Variants in ACKR4 observed in about 807,000 individuals in gnomAD.
ACKR4 encodes the protein C-C CKR-11.
Under a neutral mutation model 8.5 loss-of-function variants are expected in ACKR4, and 2 were observed. The observed-to-expected ratio is 0.23, with a 90% confidence interval of 0.10 to 0.74. The LOEUF is 0.74. Among genes scored for constraint, ACKR4 ranks in the 30% least tolerant of loss-of-function variants. The pLI is 0.75. For synonymous variants in ACKR4, 67 were observed against 145.0 expected (o/e 0.46, Z 3.86); for missense variants, 167 against 422.1 (o/e 0.40, Z 5.30).
Position 132,600,634 on chromosome 3 carries a change from C to T in ACKR4, c.237C>T (p.Tyr79=), listed in dbSNP as rs1220116409. ...YKKQRTKTDV[Y]ILNLAVADLL... The stretch of plus-strand genomic sequence containing the variant: ...AACAGAGAACCAAAACAGATGTGTA[C>T]ATCCTGAATTTGGCTGTAGCAGATT... The change falls in exon 2 of 2, where the codon TAC becomes TAT. Residue 79 remains tyrosine, a synonymous_variant. Coordinates refer to ENST00000249887, the MANE Select transcript of ACKR4 (RefSeq NM_016557.4). 7 of 1,613,658 alleles carry T rather than the reference C, an allele frequency of 4.3e-6. No individual in the cohort carries two copies. Among genetic ancestry groups the T allele is most frequent in the Non-Finnish European group, 5.1e-6 (6 of 1,179,676 alleles).
chr3:132,599,363 C>G (rs1176227275), intron 1 of ACKR4, among the ~76,000 whole-genome samples: 1 of 151,790 alleles, frequency 6.6e-6, no homozygotes, highest in Non-Finnish European at 1.5e-5. Flanking sequence ...AAAAATTAGC[C>G]AGGCATGGTG....
intron 1 of ACKR4, among the ~76,000 whole-genome samples, chr3:132,598,630 T>G (rs1938420093): frequency 6.6e-6 from 1 of 152,158 alleles, no homozygotes; most frequent in Non-Finnish European, 1.5e-5. Context: ...TCCGCGTTTA[T>G]TGAGTAGGAA....
In ACKR4 at chr3:132,597,272, T is replaced by C. The variant is rs1422521982; in HGVS notation, c.-61T>C. ...AACAAAAGTAGCTGGAGTTAGGTCA[T>C]TTGATTTTATACTCTGTACTCAAGA... On this transcript the variant is annotated 5_prime_UTR_variant, in exon 1 of 2. Transcript: ENST00000249887. 4 of 152,158 alleles carry C rather than the reference T, an allele frequency of 2.6e-5. No homozygotes were observed. The highest frequency in any genetic ancestry group is 7.2e-5 in the African/African-American group (3 of 41,444). The allele number at this position is 152,158 out of a possible 1,614,324, so 9.4% of individuals were successfully genotyped here.
Position 132,600,533 on chromosome 3 carries a change from G to C in ACKR4, c.136G>C (p.Val46Leu). 6.2e-7 allele frequency: 1 copy of C among 1,613,948 alleles called. No individual in the cohort carries two copies. The highest frequency in any genetic ancestry group is 8.5e-7 in the Non-Finnish European group (1 of 1,179,854). The change falls in exon 2 of 2, where the codon GTA becomes CTA. Residue 46 changes from valine (V) to leucine (L), a missense_variant. Transcript: ENST00000249887. Reference protein sequence around the residue: ...VREFAKVFLPVFLTIVFVIGL... With the variant: ...VREFAKVFLPLFLTIVFVIGL... ...AGAATTTGCAAAAGTTTTCCTCCCT[G>C]TATTCCTCACAATAGTTTTCGTCAT...
At chr3:132,598,059 A>G (rs1000006957) in intron 1 of ACKR4, among the ~76,000 whole-genome samples, 11 of 152,216 alleles carry the variant, frequency 7.2e-5, no homozygotes, top group African/African-American at 2.4e-4. Flanking sequence ...TAGCAAACAT[A>G]AGAACATTTC....
At chr3:132,599,985 T>C (rs1011769941) in intron 1 of ACKR4, among the ~76,000 whole-genome samples, 6 of 152,218 alleles carry the variant, frequency 3.9e-5, no homozygotes, top group African/African-American at 1.4e-4. Flanking sequence ...GATATACTTT[T>C]ACGATTCACA....
In ACKR4 at chr3:132,600,810, A is replaced by T. The variant is rs1456086534; in HGVS notation, c.413A>T (p.Tyr138Phe). 6.2e-7 allele frequency: 1 copy of T among 1,613,926 alleles called. No homozygotes were observed. The highest frequency in any genetic ancestry group is 1.3e-5 in the African/African-American group (1 of 74,948). ...CTGGCTTGTATCAGCATAGACAGATATGTGGCAGTAACTAAAGTCCCCAGC... is the reference window on the plus strand; with the variant it reads ...CTGGCTTGTATCAGCATAGACAGATTTGTGGCAGTAACTAAAGTCCCCAGC... ...QFLACISIDR[Y>F]VAVTKVPSQS... The change falls in exon 2 of 2, where the codon TAT becomes TTT. Residue 138 changes from tyrosine (Y) to phenylalanine (F), a missense_variant. Tyr to Phe is a conservative substitution (Grantham distance 22, BLOSUM62 3). Coordinates refer to ENST00000249887, the MANE Select transcript of ACKR4 (RefSeq NM_016557.4).
chr3:132,600,894 T>A lies in ACKR4; in HGVS notation c.497T>A (p.Ile166Asn), dbSNP rs1437362098. The change falls in exon 2 of 2, where the codon ATC (isoleucine) becomes AAC (asparagine). Residue 166 changes from isoleucine to asparagine, a missense_variant. By Grantham distance (149) the Ile-to-Asn change is moderately radical (BLOSUM62 -3). Around this residue, in one of 2 missense-constraint regions of ACKR4, gnomAD observed 149 missense variants for 281.9 expected, o/e 0.53. Coordinates refer to ENST00000249887, the MANE Select transcript of ACKR4 (RefSeq NM_016557.4). ...IICFCVWMAA[I>N]LLSIPQLVFY... is the part of the protein sequence containing the mutation. ...TGTTTCTGTGTCTGGATGGCTGCCATCTTGCTGAGCATACCCCAGCTGGTT... is the reference window on the plus strand; with the variant it reads ...TGTTTCTGTGTCTGGATGGCTGCCAACTTGCTGAGCATACCCCAGCTGGTT... 1.2e-5 allele frequency: 19 copies of A among 1,613,350 alleles called. No homozygotes were observed. Among genetic ancestry groups the A allele is most frequent in the Non-Finnish European group, 1.6e-5 (19 of 1,179,572 alleles).
chr3:132,599,577 T>C (rs1264739316), intron 1 of ACKR4, among the ~76,000 whole-genome samples: 1 of 152,018 alleles, frequency 6.6e-6, no homozygotes, highest in Admixed American at 6.6e-5. Context: ...ACATAATAGC[T>C]GAATTGTGCA....
rs139939313 is a variant in ACKR4 at position 132,598,535 on chromosome 3, G to T, written c.-10+1212G>T. 1.1e-3 allele frequency among the ~76,000 whole-genome samples: 171 copies of T among 152,324 alleles called. 1 individual carries two copies. Among genetic ancestry groups the T allele is most frequent in the African/African-American group, 4.0e-3 (167 of 41,568 alleles). On this transcript the variant is annotated intron_variant, in intron 1 of 1. Coordinates refer to ENST00000249887, the MANE Select transcript of ACKR4 (RefSeq NM_016557.4). ...AGAGGAACAAGGTAGTATGGGAAACGCATCCTTTCCACAGAATGGATCAGT... is the reference window on the plus strand; with the variant it reads ...AGAGGAACAAGGTAGTATGGGAAACTCATCCTTTCCACAGAATGGATCAGT...
chr3:132,598,356 A>G (rs962522438), intron 1 of ACKR4, among the ~76,000 whole-genome samples: 9 of 152,230 alleles, frequency 5.9e-5, no homozygotes, highest in African/African-American at 2.2e-4. Context: ...CTGGCATACT[A>G]TCTATCCATT....
Position 132,600,662 on chromosome 3 carries a change from C to T in ACKR4, c.265C>T (p.Leu89Phe). ...CCTGAATTTGGCTGTAGCAGATTTA[C>T]TCCTTCTATTCACTCTGCCTTTTTG... The part of the protein sequence containing the change: ...YILNLAVADL[L>F]LLFTLPFWAV... Residue 89 changes from leucine (L) to phenylalanine (F), a missense_variant, in exon 2 of 2, where the codon CTC (leucine) becomes TTC (phenylalanine). This residue lies in a region of ACKR4 where 149 missense variants were observed against 281.9 expected (regional missense o/e 0.53). Coordinates refer to ENST00000249887, the MANE Select transcript of ACKR4 (RefSeq NM_016557.4). 6.2e-7 allele frequency: 1 copy of T among 1,613,784 alleles called. No individual in the cohort carries two copies. The highest frequency in any genetic ancestry group is 1.1e-5 in the South Asian group (1 of 91,024).
Position 132,600,926 on chromosome 3 carries a change from A to C in ACKR4, c.529A>C (p.Thr177Pro). 2 of 1,611,608 alleles carry C rather than the reference A, an allele frequency of 1.2e-6. No homozygotes were observed. ...GAGCATACCCCAGCTGGTTTTTTATACAGTAAATGACAATGCTAGGTGCAT... is the reference window on the plus strand; with the variant it reads ...GAGCATACCCCAGCTGGTTTTTTATCCAGTAAATGACAATGCTAGGTGCAT... ...LLSIPQLVFY[T>P]VNDNARCIPI... Residue 177 changes from threonine to proline, a missense_variant, in exon 2 of 2, where the codon ACA becomes CCA. By Grantham distance (38) the Thr-to-Pro change is conservative. This residue lies in a region of ACKR4 where 149 missense variants were observed against 281.9 expected (regional missense o/e 0.53). Coordinates refer to ENST00000249887, the MANE Select transcript of ACKR4 (RefSeq NM_016557.4).
Position 132,601,015 on chromosome 3 carries a change from C to A in ACKR4, c.618C>A (p.Cys206Ter), listed in dbSNP as rs1235370889. Residue 206 changes from cysteine (C) to a stop codon, truncating the protein, a stop_gained, in exon 2 of 2, where the codon TGC (cysteine) becomes TGA (stop). Transcript: ENST00000249887. LOFTEE classifies it high-confidence loss of function. ...MKALIQMLEI[C>*]IGFVVPFLIM... Reference sequence around the variant, plus strand: ...CATTGATTCAAATGCTAGAGATCTGCATTGGATTTGTAGTACCCTTTCTTA... The same window carrying A: ...CATTGATTCAAATGCTAGAGATCTGAATTGGATTTGTAGTACCCTTTCTTA... 6.2e-7 allele frequency: 1 copy of A among 1,613,764 alleles called. No homozygotes were observed. Among genetic ancestry groups the A allele is most frequent in the Admixed American group, 1.7e-5 (1 of 59,994 alleles).
Position 132,602,146 on chromosome 3 carries a change from A to T in ACKR4, c.*696A>T, listed in dbSNP as rs1270418681. The T allele has an allele frequency of 6.0e-6, 1 of 166,410 alleles. No homozygotes were observed. Among genetic ancestry groups the T allele is most frequent in the Non-Finnish European group, 1.5e-5 (1 of 67,934 alleles). 10.3% of individuals were successfully genotyped at this position (166,410 alleles called of 1,614,324 possible). A position where few individuals can be genotyped will look rare whatever the true frequency, so the allele number is the denominator to read the frequency against. ...AACTATCTTTTTTCCTGTTTTTTTT[A>T]AATTTGTAAGTAATTTTATAAAATC... On this transcript the variant is annotated 3_prime_UTR_variant, in exon 2 of 2. Coordinates refer to ENST00000249887, the MANE Select transcript of ACKR4 (RefSeq NM_016557.4).
At position 132,601,099 on chromosome 3, in the gene ACKR4, A is replaced by G; in HGVS notation, c.702A>G (p.Lys234=). Residue 234 remains lysine (K), a synonymous_variant, in exon 2 of 2, where the codon AAA becomes AAG. Transcript: ENST00000249887. ...ARTLMKMPNI[K]ISRPLKVLLT... ...CACTCATGAAGATGCCAAACATTAA[A>G]ATATCTCGACCCCTAAAAGTTCTGC... The G allele has an allele frequency of 6.2e-7, 1 of 1,613,848 alleles. No individual in the cohort carries two copies. Among genetic ancestry groups the G allele is most frequent in the Non-Finnish European group, 8.5e-7 (1 of 1,179,844 alleles).
chr3:132,600,853 A>G lies in ACKR4; in HGVS notation c.456A>G (p.Lys152=), dbSNP rs142351422. 3.9e-3 allele frequency: 6,330 copies of G among 1,613,842 alleles called. 11 individuals carry two copies. Among genetic ancestry groups the G allele is most frequent in the Admixed American group, 5.3e-3 (319 of 60,010 alleles). The change falls in exon 2 of 2, where the codon AAA becomes AAG. Residue 152 remains lysine, a synonymous_variant. Transcript: ENST00000249887. ...TKVPSQSGVG[K]PCWIICFCVW... ...TCCCCAGCCAATCAGGAGTGGGAAA[A>G]CCATGCTGGATCATCTGTTTCTGTG...
Position 132,600,802 on chromosome 3 carries a change from A to G in ACKR4, c.405A>G (p.Ile135Met), listed in dbSNP as rs1938547295. 1 of 1,613,920 alleles carries G rather than the reference A, an allele frequency of 6.2e-7. No homozygotes were observed. The highest frequency in any genetic ancestry group is 1.3e-5 in the African/African-American group (1 of 74,938). Residue 135 changes from isoleucine to methionine, a missense_variant, in exon 2 of 2, where the codon ATA (isoleucine) becomes ATG (methionine). Coordinates refer to ENST00000249887, the MANE Select transcript of ACKR4 (RefSeq NM_016557.4). ...TGCAGTTTCTGGCTTGTATCAGCAT[A>G]GACAGATATGTGGCAGTAACTAAAG... Reference protein sequence around the residue: ...SGMQFLACISIDRYVAVTKVP... With the variant: ...SGMQFLACISMDRYVAVTKVP...
rs1241380436 is a variant in ACKR4 at position 132,600,806 on chromosome 3, A to G, written c.409A>G (p.Arg137Gly). Residue 137 changes from arginine to glycine, a missense_variant, in exon 2 of 2, where the codon AGA becomes GGA. Physicochemically the swap from Arg to Gly is moderately radical, Grantham distance 125. Around this residue, in one of 2 missense-constraint regions of ACKR4, gnomAD observed 149 missense variants for 281.9 expected, o/e 0.53. Coordinates refer to ENST00000249887, the MANE Select transcript of ACKR4 (RefSeq NM_016557.4). ...GTTTCTGGCTTGTATCAGCATAGAC[A>G]GATATGTGGCAGTAACTAAAGTCCC... ...MQFLACISID[R>G]YVAVTKVPSQ... is the part of the protein sequence containing the mutation. 8.1e-6 allele frequency: 13 copies of G among 1,614,048 alleles called. No individual in the cohort carries two copies. The highest frequency in any genetic ancestry group is 1.7e-5 in the Admixed American group (1 of 60,024).
Sources: gnomAD v4.1 joint callset for allele counts (sites outside exome capture counted in the v4.1 genomes callset) on GRCh38, gnomAD v4.1.1 for gene constraint, gnomAD v4.1.1 regional missense constraint, MANE v1.5 for transcripts, NCBI Gene and HGNC (gene_info 2026-07-23, HGNC 2026-07-21) for gene names.